TMEM131: variants seen among roughly 807,000 people sequenced by gnomAD.
TMEM131 encodes transmembrane protein 131, also known as 2610524E03Rik.
In TMEM131, 66 loss-of-function variants were observed where a neutral mutation model predicts 211.6. The observed-to-expected ratio is 0.31, with a 90% confidence interval of 0.26 to 0.38. TMEM131 has a LOEUF of 0.38. Ranked by LOEUF, TMEM131 falls within the 10% of genes least tolerant of loss-of-function variation. The pLI is 1.00. For synonymous variants in TMEM131, 844 were observed against 841.3 expected, an observed-to-expected ratio of 1.00 and a Z score of -0.06; for missense variants, 2,036 against 2,299.3, an observed-to-expected ratio of 0.89 and a Z score of 2.34.
chr2:97,874,265 G>A (rs1674603677), intron 4 of TMEM131, among the ~76,000 whole-genome samples: 1 of 152,200 alleles, frequency 6.6e-6, no homozygotes, highest in Non-Finnish European at 1.5e-5. Context: ...ACCTGAAAGT[G>A]ACAAGGAGAA....
At chr2:97,994,824 T>C (rs1255653297) in intron 1 of TMEM131, among the ~76,000 whole-genome samples, 3 of 152,212 alleles carry the variant, frequency 2.0e-5, no homozygotes, top group East Asian at 1.9e-4. Context: ...TATAGATAAA[T>C]GCTTGCAAGC....
At chr2:97,782,257 C>G (rs1680045468) in intron 31 of TMEM131, among the ~76,000 whole-genome samples, 1 of 152,224 alleles carries the variant, frequency 6.6e-6, no homozygotes, top group Admixed American at 6.5e-5. Flanking sequence ...TAATGAGGAG[C>G]CTCCCTGCCC....
At chr2:97,930,207 A>G (rs1677160759) in intron 1 of TMEM131, among the ~76,000 whole-genome samples, 1 of 151,858 alleles carries the variant, frequency 6.6e-6, no homozygotes, top group Admixed American at 6.5e-5. Context: ...TAGAAGCTTT[A>G]TGTCTAATTG....
intron 1 of TMEM131, among the ~76,000 whole-genome samples, chr2:97,978,893 C>A (rs1392543882): frequency 6.6e-6 from 1 of 152,144 alleles, no homozygotes; most frequent in Non-Finnish European, 1.5e-5. Context: ...CCAGATCCAA[C>A]TGAGGACTCA....
At chr2:97,832,239 C>T (rs531683805) in intron 11 of TMEM131, among the ~76,000 whole-genome samples, 3 of 152,264 alleles carry the variant, frequency 2.0e-5, no homozygotes, top group African/African-American at 7.2e-5. Flanking sequence ...GACCTGAGTA[C>T]TAGTTCTTCA....
rs142463348 is a variant in TMEM131, at chr2:97,952,648, G to A, written c.188-25161C>T. Reference sequence around the variant, plus strand: ...CCCCAGCACTTTGGGAGGCCGAGGCGGGAGGGCCACTTGAGCCCAGGAGCT... The same window carrying A: ...CCCCAGCACTTTGGGAGGCCGAGGCAGGAGGGCCACTTGAGCCCAGGAGCT... On this transcript the variant is annotated intron_variant, in intron 1 of 40. Transcript: ENST00000186436. 3.3e-3 allele frequency among the ~76,000 whole-genome samples: 498 copies of A among 152,274 alleles called. 7 individuals carry two copies. The East Asian group carries it at 0.041, about 12-fold the overall frequency.
At chr2:97,876,717 T>A (rs1674711305) in intron 4 of TMEM131, among the ~76,000 whole-genome samples, 1 of 152,134 alleles carries the variant, frequency 6.6e-6, no homozygotes, top group South Asian at 2.1e-4. Context: ...TAATAAAAGC[T>A]ATTTATGACA....
chr2:97,937,630 A>C (rs1677507796), intron 1 of TMEM131, among the ~76,000 whole-genome samples: 1 of 152,168 alleles, frequency 6.6e-6, no homozygotes, highest in Non-Finnish European at 1.5e-5. Flanking sequence ...TTTAATAATA[A>C]TAAAGGGATC....
intron 1 of TMEM131, among the ~76,000 whole-genome samples, chr2:97,942,341 G>T (rs1677773073): frequency 9.3e-6 from 1 of 108,062 alleles, no homozygotes; most frequent in South Asian, 3.8e-4. Flanking sequence ...TGGGGGGAGG[G>T]GGGAGGGATA....
rs920507752 is a variant in TMEM131, at chr2:97,775,996, G to A, written c.4167C>T (p.Arg1389=). 1.2e-6 allele frequency: 2 copies of A among 1,613,190 alleles called. No homozygotes were observed. Among genetic ancestry groups the A allele is most frequent in the Non-Finnish European group, 1.7e-6 (2 of 1,179,690 alleles). ...KSKGKGKPLQ[R]KVKPPKKQEE... ...CTTGCTTCTTAGGTGGTTTCACCTT[G>A]CGCTGAAGAGGTTTTCCTTTCCCTG... Residue 1389 remains arginine, a synonymous_variant, in exon 32 of 41, where the codon CGC becomes CGT. Coordinates refer to ENST00000186436, the MANE Select transcript of TMEM131 (RefSeq NM_015348.2).
chr2:97,975,549 T>C (rs1044663265), intron 1 of TMEM131, among the ~76,000 whole-genome samples: 1 of 152,152 alleles, frequency 6.6e-6, no homozygotes, highest in African/African-American at 2.4e-5. Context: ...CTTTGAAAGA[T>C]ATTAATTACC....
intron 1 of TMEM131, among the ~76,000 whole-genome samples, chr2:97,936,546 T>C (rs1005763922): frequency 2.6e-5 from 4 of 152,202 alleles, no homozygotes; most frequent in Non-Finnish European, 4.4e-5. Flanking sequence ...TCCAGGTTTT[T>C]AAGGAAATCT....
chr2:97,937,042 A>G (rs1449173480), intron 1 of TMEM131, among the ~76,000 whole-genome samples: 1 of 152,158 alleles, frequency 6.6e-6, no homozygotes, highest in Non-Finnish European at 1.5e-5. Flanking sequence ...TAAAGAAACA[A>G]GAAAGTATGG....
chr2:97,842,006 C>A, intron 6 of TMEM131, 69 bp from the exon 7 acceptor site: 1 of 1,376,110 alleles, frequency 7.3e-7, no homozygotes. Flanking sequence ...TTATAACTGA[C>A]TGATCTAGGG....
Position 97,840,916 on chromosome 2 carries a change from CT to C in TMEM131, c.723+898del, listed in dbSNP as rs138169079. On this transcript the variant is annotated intron_variant, in intron 7 of 40. Transcript: ENST00000186436. ...CACTATTCAGGCTCTGAACATTTCCCTGGTTCATCCTCATTTCCTCTTCCAT... is the reference window on the plus strand; with the variant it reads ...CACTATTCAGGCTCTGAACATTTCCCGGTTCATCCTCATTTCCTCTTCCAT... Among the ~76,000 whole-genome samples, 523 of 152,306 alleles carry C rather than the reference CT, an allele frequency of 3.4e-3. 8 individuals are homozygous for C. In the East Asian group the frequency reaches 0.042, roughly 12 times the overall value.
intron 1 of TMEM131, among the ~76,000 whole-genome samples, chr2:97,956,594 T>C (rs972211874): frequency 1.1e-4 from 17 of 152,164 alleles, no homozygotes; most frequent in Non-Finnish European, 2.2e-4. Context: ...GGCATAGTAG[T>C]AACTGGGGTA....
At chr2:97,853,953 TACA>T in intron 5 of TMEM131, among the ~76,000 whole-genome samples, 1 of 152,208 alleles carries the variant, frequency 6.6e-6, no homozygotes, top group Non-Finnish European at 1.5e-5. Context: ...CTTAGAATAC[TACA>T]TAAACTTAGA....
intron 1 of TMEM131, among the ~76,000 whole-genome samples, chr2:97,980,978 T>C (rs1004993785): frequency 7.5e-6 from 1 of 133,456 alleles, no homozygotes; most frequent in Non-Finnish European, 1.5e-5. Flanking sequence ...CTGACTATGG[T>C]AGTGGTTATT....
In TMEM131 at chr2:97,861,487, A is replaced by G. The variant is rs1026093353; in HGVS notation, c.360-2060T>C. On this transcript the variant is annotated intron_variant, in intron 4 of 40. Transcript: ENST00000186436. ...TGCTGTGGATTGGGGAGGGAGCCCAATTCCCTGAAGGGTGAGTCCCAGACC... is the reference window on the plus strand; with the variant it reads ...TGCTGTGGATTGGGGAGGGAGCCCAGTTCCCTGAAGGGTGAGTCCCAGACC... Among the ~76,000 whole-genome samples, 5 of 151,774 alleles carry G rather than the reference A, an allele frequency of 3.3e-5. 1 individual carries two copies. In the South Asian group the frequency reaches 6.2e-4, roughly 19 times the overall value.
Sources: allele counts gnomAD v4.1 joint callset (sites outside exome capture counted in the v4.1 genomes callset), GRCh38; gene constraint gnomAD v4.1.1; transcripts MANE v1.5; gene names NCBI Gene and HGNC (gene_info 2026-07-23, HGNC 2026-07-21).